Variants in RSPH10B2 observed in about 807,000 individuals in gnomAD.
The protein encoded by RSPH10B2 is radial spoke head 10 homolog B2.
Under a neutral mutation model 49.0 loss-of-function variants are expected in RSPH10B2, and 9 were observed. The ratio of observed to expected loss-of-function variants is 0.18; its 90% CI spans 0.11 to 0.32. The LOEUF (loss-of-function observed/expected upper bound fraction) is 0.32. Among genes scored for constraint, RSPH10B2 ranks in the 10% least tolerant of loss-of-function variants. The pLI is 1.00. For missense variants in RSPH10B2, 95 were observed against 589.9 expected, an observed-to-expected ratio of 0.16 and a Z score of 8.69; for synonymous variants, 35 against 210.2, an observed-to-expected ratio of 0.17 and a Z score of 7.21.
chr7:6,780,711 A>G, intron 11 of RSPH10B2, 98 bp from the exon 14 acceptor site: 3 of 1,234,412 alleles, frequency 2.4e-6, no homozygotes, highest in Non-Finnish European at 3.2e-6. Context: ...ATACATTAGA[A>G]GCAAATTATT....
exon 13 of RSPH10B2, chr7:6,781,364 C>G (rs1406976297): frequency 7.8e-7 from 1 of 1,275,792 alleles, no homozygotes. Flanking sequence ...ACGCTCTACT[C>G]TATGAGTTAC....
chr7:6,764,646 CCA>C (rs1366942647), intron 4 of RSPH10B2, among the ~76,000 whole-genome samples: 23 of 151,882 alleles, frequency 1.5e-4, no homozygotes, highest in African/African-American at 5.1e-4. Flanking sequence ...CAGGCGTGAG[CCA>C]CACTGTGCCT....
intron 10 of RSPH10B2, among the ~76,000 whole-genome samples, chr7:6,779,154 CT>C (rs1379847976): frequency 2.4e-3 from 42 of 17,444 alleles, no homozygotes; most frequent in Middle Eastern, 0.031. Flanking sequence ...AGATTGACAT[CT>C]TTTTTTTTTT....
chr7:6,782,437 T>C (rs1781976637), intron 13 of RSPH10B2, among the ~76,000 whole-genome samples: 1 of 128,798 alleles, frequency 7.8e-6, no homozygotes, highest in African/African-American at 3.1e-5. Flanking sequence ...TAGTCCCAGC[T>C]ACTCGGGAAG....
At chr7:6,797,864 A>ACACAC (rs1370266545) in intron 18 of RSPH10B2, among the ~76,000 whole-genome samples, 19 of 71,322 alleles carry the variant, frequency 2.7e-4, no homozygotes, top group African/African-American at 1.2e-3. Flanking sequence ...AAAAAAAAAA[A>ACACAC]ATACACACAC....
chr7:6,783,838 A>AATTATTATT (rs1251922696), intron 13 of RSPH10B2, among the ~76,000 whole-genome samples: 2 of 131,524 alleles, frequency 1.5e-5, no homozygotes, highest in Admixed American at 7.9e-5. Flanking sequence ...TAATAATAAT[A>AATTATTATT]ATTATTATTA....
chr7:6,779,860 T>C, intron 11 of RSPH10B2, 136 bp downstream of exon 13: 1 of 402,608 alleles, frequency 2.5e-6, no homozygotes, highest in Non-Finnish European at 4.3e-6. Context: ...CAGGCTGGAG[T>C]GCAGTGGCAC....
intron 11 of RSPH10B2, among the ~76,000 whole-genome samples, chr7:6,779,951 G>A (rs1204449749): frequency 7.6e-6 from 1 of 132,216 alleles, no homozygotes; most frequent in Non-Finnish European, 1.6e-5. Context: ...GAGATGACAG[G>A]CATGTGCCAC....
chr7:6,754,165 C>T (rs1780990242), upstream of RSPH10B2: 1 of 138,666 alleles, frequency 7.2e-6, no homozygotes, highest in Non-Finnish European at 1.6e-5. Flanking sequence ...CTCTGGGCTC[C>T]TGGAGCGAGG....
chr7:6,793,264 C>T (rs1215264377), intron 17 of RSPH10B2, among the ~76,000 whole-genome samples: 1 of 114,310 alleles, frequency 8.7e-6, no homozygotes, highest in Non-Finnish European at 1.7e-5. Context: ...GTTGCCCAGG[C>T]TGGTCTTGAA....
chr7:6,763,729 G>C (rs1345855003), intron 3 of RSPH10B2, among the ~76,000 whole-genome samples, 199 bp from the exon 6 acceptor site: 3 of 145,816 alleles, frequency 2.1e-5, no homozygotes, highest in Non-Finnish European at 4.6e-5. Flanking sequence ...CCCACTGGTC[G>C]GGTCAGATGA....
Position 6,768,162 on chromosome 7 carries a change from AC to A in RSPH10B2, c.781-427del, listed in dbSNP as rs1470493210. On this transcript the variant is annotated intron_variant, in intron 6 of 18. Transcript: ENST00000297186. ...ATTGTGCCATACTCTAGCCTGGGTA[AC>A]AGAGTGAGACCCTTTCTCAAAAAAT... 8.8e-4 allele frequency among the ~76,000 whole-genome samples: 125 copies of A among 142,242 alleles called. 1 individual carries two copies. The highest frequency in any genetic ancestry group is 3.1e-3 in the African/African-American group (115 of 37,108). 93.3% of individuals were successfully genotyped at this position (142,242 alleles called of 152,430 possible). A position where few individuals can be genotyped will look rare whatever the true frequency, so the allele number is the denominator to read the frequency against.
At chr7:6,786,485 C>T (rs1429967324) in intron 14 of RSPH10B2, among the ~76,000 whole-genome samples, 1 of 108,530 alleles carries the variant, frequency 9.2e-6, no homozygotes, top group Non-Finnish European at 1.8e-5. Flanking sequence ...TGAGCCACCG[C>T]GCCCAGCCTT....
At chr7:6,756,395 T>TG (rs1166652332), upstream of RSPH10B2, among the ~76,000 whole-genome samples, 1 of 73,032 alleles carries the variant, frequency 1.4e-5, no homozygotes, top group East Asian at 4.8e-4. Flanking sequence ...TGTTTTGTTT[T>TG]GTTTTTTTTG....
chr7:6,758,475 G>A (rs1283000990), intron 1 of RSPH10B2, among the ~76,000 whole-genome samples: 1 of 139,564 alleles, frequency 7.2e-6, no homozygotes, highest in Non-Finnish European at 1.6e-5. Context: ...ATAACAAAAT[G>A]TACTATCTTA....
At chr7:6,795,468 G>A (rs1377356412) in intron 17 of RSPH10B2, among the ~76,000 whole-genome samples, 5 of 78,858 alleles carry the variant, frequency 6.3e-5, no homozygotes, top group Non-Finnish European at 1.1e-4. Flanking sequence ...AAAAGCTTTC[G>A]AATATTTTGT....
intron 14 of RSPH10B2, among the ~76,000 whole-genome samples, chr7:6,786,461 T>G (rs1225225552): frequency 1.8e-5 from 2 of 113,666 alleles, no homozygotes; most frequent in Admixed American, 9.5e-5. Flanking sequence ...CCCAAAGTGC[T>G]GGGATTACAG....
chr7:6,784,280 A>T, intron 13 of RSPH10B2, among the ~76,000 whole-genome samples: 1 of 5,942 alleles, frequency 1.7e-4, no homozygotes, highest in Non-Finnish European at 2.8e-4. Context: ...TGTGTTTTTG[A>T]GATGGAGTCT....
Position 6,797,165 on chromosome 7 carries a change from C to T in RSPH10B2, c.2432+399C>T, listed in dbSNP as rs530217513. Among the ~76,000 whole-genome samples the T allele has an allele frequency of 5.7e-4, 82 of 143,074 alleles. 10 individuals are homozygous for T. The highest frequency in any genetic ancestry group is 3.0e-3 in the South Asian group (12 of 3,976). The allele number at this position is 143,074 out of a possible 152,430, so 93.9% of individuals were successfully genotyped here. A position where few individuals can be genotyped will look rare whatever the true frequency, so the allele number is the denominator to read the frequency against. On this transcript the variant is annotated intron_variant, in intron 18 of 18. Transcript: ENST00000297186. ...CTGGGATTACAAGCATGCACCACCA[C>T]GCCTGGCTAATTTTTGTATTTTTAG...
Sources: gnomAD v4.1 joint callset for allele counts (sites outside exome capture counted in the v4.1 genomes callset) on GRCh38, gnomAD v4.1.1 for gene constraint, MANE v1.5 for transcripts, NCBI Gene and HGNC (gene_info 2026-07-23, HGNC 2026-07-21) for gene names.